The following LYRM4 variants were observed in gnomAD, a reference collection of about 807,000 sequenced individuals.
LYRM4 encodes the protein LYR motif containing 4.
A neutral mutation model predicts 11.7 loss-of-function variants in LYRM4; 9 were observed. The ratio of observed to expected loss-of-function variants is 0.77; its 90% confidence interval spans 0.46 to 1.34. The LOEUF is 1.34. LYRM4 is among the 40% of genes most tolerant of loss of function. LYRM4 has a pLI of 0.00. For missense variants in LYRM4, 133 were observed against 112.5 expected, an observed-to-expected ratio of 1.18 and a Z score of -0.82; for synonymous variants, 42 against 40.4, an observed-to-expected ratio of 1.04 and a Z score of -0.15.
chr6:5,183,939 G>C (rs1760228522), intron 2 of LYRM4, among the ~76,000 whole-genome samples: 1 of 152,234 alleles, frequency 6.6e-6, no homozygotes, highest in South Asian at 2.1e-4. Flanking sequence ...CAAATGGTAA[G>C]TATGTGAAGT....
At chr6:5,148,765 C>A (rs1409984680) in intron 2 of LYRM4, among the ~76,000 whole-genome samples, 1 of 152,060 alleles carries the variant, frequency 6.6e-6, no homozygotes, top group East Asian at 1.9e-4. Flanking sequence ...TGTCTGAAAT[C>A]ATTTTCCATT....
intron 1 of LYRM4, among the ~76,000 whole-genome samples, chr6:5,222,786 A>T (rs1405472388): frequency 6.7e-6 from 1 of 149,828 alleles, no homozygotes; most frequent in African/African-American, 2.4e-5. Context: ...AAGAAAGATT[A>T]GAATGCTAGA....
At chr6:5,057,731 A>G in the LYRM4 span, among the ~76,000 whole-genome samples, 1 of 151,520 alleles carries the variant, frequency 6.6e-6, no homozygotes, top group African/African-American at 2.4e-5. Flanking sequence ...AAAAGAAAAA[A>G]AAAAACTTCC....
Position 5,157,432 on chromosome 6 carries a change from T to A in LYRM4, c.208-47941A>T, listed in dbSNP as rs544238360. On this transcript the variant is annotated intron_variant, in intron 2 of 2. Transcript: ENST00000330636. Reference sequence around the variant, plus strand: ...AGCAATTATTTCTCATACAATTAGATATTCACAACCAGTGAACATTATGAA... The same window carrying A: ...AGCAATTATTTCTCATACAATTAGAAATTCACAACCAGTGAACATTATGAA... Among the ~76,000 whole-genome samples, 12 of 151,992 alleles carry A rather than the reference T, an allele frequency of 7.9e-5. No homozygotes were observed. The South Asian group carries it at 2.5e-3, about 32-fold the overall frequency.
At chr6:5,179,065 C>CAAAACAAAAAAAA (rs1561851701) in intron 2 of LYRM4, among the ~76,000 whole-genome samples, 1 of 103,902 alleles carries the variant, frequency 9.6e-6, no homozygotes, top group Admixed American at 9.9e-5. Flanking sequence ...ACCAAAAAAA[C>CAAAACAAAAAAAA]AAAAAAAAAA....
At chr6:5,103,630 A>ATTCTTTTTTTTTTTT (rs1561797288), downstream of LYRM4, 1 of 119,738 alleles carries the variant, frequency 8.4e-6, no homozygotes, top group Admixed American at 8.9e-5. Context: ...TATCTGAGAT[A>ATTCTTTTTTTTTTTT]TTTTTTTTTT....
chr6:5,148,519 G>GGGGCAGAGTTAGAACTCTGAA (rs1349462777), intron 2 of LYRM4, among the ~76,000 whole-genome samples: 1 of 43,000 alleles, frequency 2.3e-5, no homozygotes, highest in Non-Finnish European at 5.6e-5. Context: ...GCTGGGCTGG[G>GGGGCAGAGTTAGAACTCTGAA]TATACGCCTT....
chr6:5,093,574 G>A, the LYRM4 span, among the ~76,000 whole-genome samples: 3 of 152,198 alleles, frequency 2.0e-5, no homozygotes, highest in Non-Finnish European at 4.4e-5. Context: ...AAATGAGTCT[G>A]GTATACCCAG....
chr6:5,151,084 ATT>A (rs10599613), intron 2 of LYRM4, among the ~76,000 whole-genome samples: 80,659 of 136,314 alleles, frequency 0.59, 23,146 homozygotes, highest in East Asian at 0.75. Context: ...TTTGTTTTGA[ATT>A]TTTTTTTTTT....
rs993965727 is a variant in LYRM4 at position 5,256,430 on chromosome 6, C to T, written c.86+4218G>A. Among the ~76,000 whole-genome samples the T allele has an allele frequency of 6.7e-5, 8 of 120,124 alleles. No homozygotes were observed. In the Admixed American group the frequency reaches 9.1e-4, roughly 14 times the overall value. The allele number at this position is 120,124 out of a possible 152,430, so 78.8% of individuals were successfully genotyped here. A position where few individuals can be genotyped will look rare whatever the true frequency, so the allele number is the denominator to read the frequency against. ...GCTTGAACCTGGGAGGTGGAGGTTG[C>T]AGTGAGCCAAGATCGCACCATTGCC... On this transcript the variant is annotated intron_variant, in intron 1 of 2. Transcript: ENST00000330636.
chr6:5,173,879 G>A (rs913272904), intron 2 of LYRM4, among the ~76,000 whole-genome samples: 1 of 152,230 alleles, frequency 6.6e-6, no homozygotes, highest in Non-Finnish European at 1.5e-5. Flanking sequence ...ATAGGAAGCT[G>A]TGCTGGAGAC....
intron 2 of LYRM4, among the ~76,000 whole-genome samples, chr6:5,148,006 C>T (rs1757827686): frequency 1.3e-5 from 2 of 152,162 alleles, no homozygotes; most frequent in South Asian, 2.1e-4. Flanking sequence ...TTCCAGAACA[C>T]ACCAAGCTCG....
intron 2 of LYRM4, among the ~76,000 whole-genome samples, chr6:5,156,068 G>A (rs1758395198): frequency 6.6e-6 from 1 of 152,202 alleles, no homozygotes. Flanking sequence ...GGTATCATCT[G>A]TCTTCTGGAG....
chr6:5,252,371 T>C (rs1446872047), intron 1 of LYRM4, among the ~76,000 whole-genome samples: 1 of 152,232 alleles, frequency 6.6e-6, no homozygotes, highest in Non-Finnish European at 1.5e-5. Context: ...CACTCTGCCT[T>C]GAAACCTATT....
chr6:5,081,365 C>A, the LYRM4 span, among the ~76,000 whole-genome samples: 1 of 152,196 alleles, frequency 6.6e-6, no homozygotes, highest in African/African-American at 2.4e-5. Flanking sequence ...CCCATTGTTT[C>A]TGCACCTTTC....
At chr6:5,246,463 T>C (rs1293773731) in intron 1 of LYRM4, among the ~76,000 whole-genome samples, 1 of 152,172 alleles carries the variant, frequency 6.6e-6, no homozygotes, top group Non-Finnish European at 1.5e-5. Context: ...AACTTCCTCC[T>C]CCTAAGAATT....
the LYRM4 span, among the ~76,000 whole-genome samples, chr6:5,060,912 G>C: frequency 1.3e-5 from 2 of 152,174 alleles, no homozygotes; most frequent in African/African-American, 4.8e-5. Flanking sequence ...AGTTATACCA[G>C]TGGTATTTAT....
At chr6:5,138,579 T>G (rs1757238428) in intron 2 of LYRM4, 1 of 521,798 alleles carries the variant, frequency 1.9e-6, no homozygotes, top group Non-Finnish European at 3.1e-6. Context: ...ATGACTGTTT[T>G]TTTTATGAAT....
chr6:5,113,412 C>T (rs545423406), intron 2 of LYRM4: 12 of 391,506 alleles, frequency 3.1e-5, no homozygotes, highest in South Asian at 1.5e-4. Context: ...AGCGAGATTC[C>T]GTTATCTAAA....
Sources: allele counts gnomAD v4.1 joint callset (sites outside exome capture counted in the v4.1 genomes callset), GRCh38; gene constraint gnomAD v4.1.1; transcripts MANE v1.5; gene names NCBI Gene and HGNC (gene_info 2026-07-23, HGNC 2026-07-21).